Variants in PSME3IP1 observed in about 807,000 individuals in gnomAD.
PSME3IP1 encodes proteasome activator subunit 3 interacting protein 1.
Under a neutral mutation model 34.1 loss-of-function variants are expected in PSME3IP1, and 13 were observed. That is an observed-to-expected ratio of 0.38 (90% CI 0.25 to 0.61). The LOEUF (loss-of-function observed/expected upper bound fraction) is 0.61, where lower values mean the gene tolerates loss of function less well. Ranked by LOEUF, PSME3IP1 falls within the 20% of genes least tolerant of loss-of-function variation. The probability of loss-of-function intolerance (pLI) is 0.60; values close to 1 mark genes in which losing one functional copy is unlikely to be tolerated. For synonymous variants in PSME3IP1, 93 were observed against 114.3 expected, an observed-to-expected ratio of 0.81 and a Z score of 1.19; for missense variants, 237 against 301.4, an observed-to-expected ratio of 0.79 and a Z score of 1.58.
intron 1 of PSME3IP1, chr16:57,174,749 C>T: frequency 1.1e-6 from 1 of 930,166 alleles, no homozygotes; most frequent in Non-Finnish European, 1.3e-6. Context: ...AAGAACAGAT[C>T]TCCCAACTTC....
rs558011549 is a variant in PSME3IP1, at chr16:57,173,930, T to C, written c.-15-61A>G. On this transcript the variant is annotated intron_variant, in intron 1 of 6. Coordinates refer to ENST00000309137, the MANE Select transcript of PSME3IP1 (RefSeq NM_024946.4). ...CAAGTGAGAACTGCAATTAAAATTCTAAAGAGAAACAAGGAGATTTAGCTC... is the reference window on the plus strand; with the variant it reads ...CAAGTGAGAACTGCAATTAAAATTCCAAAGAGAAACAAGGAGATTTAGCTC... 44 of 1,518,590 alleles carry C rather than the reference T, an allele frequency of 2.9e-5. No homozygotes were observed. The East Asian group carries it at 8.9e-4, about 31-fold the overall frequency. 94.1% of individuals were successfully genotyped at this position (1,518,590 alleles called of 1,614,324 possible).
chr16:57,170,496 A>T (rs1248591873), intron 4 of PSME3IP1, among the ~76,000 whole-genome samples: 4 of 152,228 alleles, frequency 2.6e-5, no homozygotes, highest in African/African-American at 7.2e-5. Context: ...GTTGGATTAC[A>T]CCAGTGATGT....
intron 6 of PSME3IP1, among the ~76,000 whole-genome samples, chr16:57,158,537 G>A (rs892927757): frequency 3.0e-4 from 46 of 152,192 alleles, no homozygotes; most frequent in Middle Eastern, 3.4e-3. Flanking sequence ...GCTGTGAGCC[G>A]GGATCGCACC....
Position 57,167,387 on chromosome 16 carries a change from G to T in PSME3IP1, c.349-161C>A, listed in dbSNP as rs60507349. On this transcript the variant is annotated intron_variant, in intron 4 of 6. Transcript: ENST00000309137. ...AAATCCAGCCAATTCAAAGATAAAT[G>T]AAAGAGACCATGGAGGAAGACAGCA... 3.3e-3 allele frequency: 2,754 copies of T among 828,118 alleles called. 63 individuals are homozygous for T. In the African/African-American group the frequency reaches 0.043, roughly 13 times the overall value. The allele number at this position is 828,118 out of a possible 1,614,324, so 51.3% of individuals were successfully genotyped here.
At chr16:57,156,260 C>T (rs1475471154) in intron 6 of PSME3IP1, among the ~76,000 whole-genome samples, 2 of 152,154 alleles carry the variant, frequency 1.3e-5, no homozygotes, top group East Asian at 3.8e-4. Context: ...AAATGATAAC[C>T]TGAGCTCACT....
At chr16:57,167,826 T>A (rs551033046) in intron 4 of PSME3IP1, among the ~76,000 whole-genome samples, 1 of 152,220 alleles carries the variant, frequency 6.6e-6, no homozygotes, top group Non-Finnish European at 1.5e-5. Context: ...ATTTTACACT[T>A]GATCTTAGCC....
intron 6 of PSME3IP1, among the ~76,000 whole-genome samples, chr16:57,155,060 TG>T (rs1400619670): frequency 6.6e-6 from 1 of 152,248 alleles, no homozygotes; most frequent in Non-Finnish European, 1.5e-5. Flanking sequence ...GGTAGCCCCC[TG>T]GACTAGAATA....
Position 57,173,862 on chromosome 16 carries a change from C to T in PSME3IP1, c.-8G>A. 6.2e-7 allele frequency: 1 copy of T among 1,609,600 alleles called. No homozygotes were observed. Among genetic ancestry groups the T allele is most frequent in the South Asian group, 1.1e-5 (1 of 90,026 alleles). ...ATCATCCCCTCCATCCATAATGAAA[C>T]AACCAATCTACAAAACAAAAACAAA... On this transcript the variant is annotated 5_prime_UTR_variant, in exon 2 of 7. Coordinates refer to ENST00000309137, the MANE Select transcript of PSME3IP1 (RefSeq NM_024946.4).
rs1008654335 is a variant in PSME3IP1, at chr16:57,167,238, G to A, written c.349-12C>T. 3 of 1,614,182 alleles carry A rather than the reference G, an allele frequency of 1.9e-6. No homozygotes were observed. The highest frequency in any genetic ancestry group is 1.3e-5 in the African/African-American group (1 of 75,048). Reference sequence around the variant, plus strand: ...TTCTTGAGGTTATTGTGAGTTACCAGTTAAGGGTCAAACTAAGCAAAAGGG... The same window carrying A: ...TTCTTGAGGTTATTGTGAGTTACCAATTAAGGGTCAAACTAAGCAAAAGGG... On this transcript the variant is annotated splice_polypyrimidine_tract_variant and intron_variant, in intron 4 of 6. Transcript: ENST00000309137.
rs1597530440 is a variant in PSME3IP1, at chr16:57,154,074, G to C, written c.*216C>G. ...CAGTGAGGAAAGTGGCAGCGGGACA[G>C]GTTTGGTCATCTGCAGTGGAGTAGA... On this transcript the variant is annotated 3_prime_UTR_variant, in exon 7 of 7. Coordinates refer to ENST00000309137, the MANE Select transcript of PSME3IP1 (RefSeq NM_024946.4). The surrounding 1 kb of genome is among the most constrained non-coding windows in gnomAD (Gnocchi z 4.0). The C allele has an allele frequency of 1.8e-5, 10 of 540,646 alleles. 1 individual carries two copies. In the East Asian group the frequency reaches 3.2e-4, roughly 17 times the overall value. The allele number at this position is 540,646 out of a possible 1,614,324, so 33.5% of individuals were successfully genotyped here.
intron 1 of PSME3IP1, chr16:57,178,615 G>GT: frequency 1.0e-6 from 1 of 985,090 alleles, no homozygotes; most frequent in Non-Finnish European, 1.2e-6. Flanking sequence ...CATCAAGCAA[G>GT]TATTTGCTGA....
At chr16:57,159,730 C>T (rs1197576440) in intron 6 of PSME3IP1, among the ~76,000 whole-genome samples, 2 of 152,212 alleles carry the variant, frequency 1.3e-5, no homozygotes, top group Non-Finnish European at 2.9e-5. Context: ...CTCTGAAACA[C>T]AGCTGTCTGC....
intron 1 of PSME3IP1, among the ~76,000 whole-genome samples, chr16:57,182,173 A>T (rs2073776284): frequency 6.6e-6 from 1 of 152,040 alleles, no homozygotes; most frequent in Non-Finnish European, 1.5e-5. Context: ...TGGAGATTTC[A>T]AGGATTATAG....
intron 4 of PSME3IP1, among the ~76,000 whole-genome samples, chr16:57,167,816 A>G (rs1231246563): frequency 1.3e-5 from 2 of 152,156 alleles, no homozygotes; most frequent in African/African-American, 2.4e-5. Context: ...TCTGAAGGTG[A>G]TTTTACACTT....
rs2071680765 is a variant in PSME3IP1 at position 57,164,962 on chromosome 16, C to T, written c.483-897G>A. Reference sequence around the variant, plus strand: ...ATGAGAATCGCTTGAACCCGGGAGGCACAGGTGTGCCAAGATTGCGCCATT... The same window carrying T: ...ATGAGAATCGCTTGAACCCGGGAGGTACAGGTGTGCCAAGATTGCGCCATT... On this transcript the variant is annotated intron_variant, in intron 5 of 6. Transcript: ENST00000309137. Among the ~76,000 whole-genome samples the T allele has an allele frequency of 2.0e-5, 3 of 149,928 alleles. No individual in the cohort carries two copies. In the South Asian group the frequency reaches 6.3e-4, roughly 32 times the overall value.
chr16:57,174,490 A>G, intron 1 of PSME3IP1: 2 of 985,358 alleles, frequency 2.0e-6, no homozygotes, highest in Non-Finnish European at 2.4e-6. Context: ...CTGTCCCTCT[A>G]ATCTAGAAAA....
chr16:57,169,351 CAT>C (rs1272655372), intron 4 of PSME3IP1, among the ~76,000 whole-genome samples: 4 of 152,188 alleles, frequency 2.6e-5, no homozygotes, highest in Non-Finnish European at 4.4e-5. Context: ...TATTATACAA[CAT>C]ATCATATAGT....
At chr16:57,185,626 C>T (rs1249804134) in intron 1 of PSME3IP1, 195 bp downstream of exon 1, 8 of 985,366 alleles carry the variant, frequency 8.1e-6, no homozygotes, top group Non-Finnish European at 9.6e-6. Flanking sequence ...GACCCAGATG[C>T]CTTCCCGCGG....
In PSME3IP1 at chr16:57,157,330, AAAGAAG is replaced by A. The variant is rs1555484037; in HGVS notation, c.548-2829_548-2824del. On this transcript the variant is annotated intron_variant, in intron 6 of 6. Transcript: ENST00000309137. ...CCTATCTCCAAAAAAAAAAAAAAAA[AAAGAAG>A]AAGAAGAAGAAGAAGAAAGCATCTC... Among the ~76,000 whole-genome samples, 813 of 149,062 alleles carry A rather than the reference AAAGAAG, an allele frequency of 5.5e-3. 6 individuals carry two copies. Among genetic ancestry groups the A allele is most frequent in the Non-Finnish European group, 8.2e-3 (555 of 67,418 alleles).
Sources: gnomAD v4.1 joint callset for allele counts (sites outside exome capture counted in the v4.1 genomes callset) on GRCh38, gnomAD v4.1.1 for gene constraint, Gnocchi (gnomAD v3.1) non-coding constraint, MANE v1.5 for transcripts, NCBI Gene and HGNC (gene_info 2026-07-23, HGNC 2026-07-21) for gene names.